The following ATP6V0E2 variants were observed in gnomAD, a reference collection of about 807,000 sequenced individuals.
ATP6V0E2 encodes ATPase H+ transporting V0 subunit e2.
A neutral mutation model predicts 11.5 loss-of-function variants in ATP6V0E2; 4 were observed. The observed-to-expected ratio is 0.35, with a 90% confidence interval of 0.17 to 0.80. The LOEUF (loss-of-function observed/expected upper bound fraction) is 0.80. Among genes scored for constraint, ATP6V0E2 ranks in the 30% least tolerant of loss-of-function variants. The pLI is 0.53. For missense variants in ATP6V0E2, 93 were observed against 113.5 expected, an observed-to-expected ratio of 0.82 and a Z score of 0.82; for synonymous variants, 52 against 51.0, an observed-to-expected ratio of 1.02 and a Z score of -0.09.
intron 3 of ATP6V0E2, 111 bp from the exon 4 acceptor site, chr7:149,879,224 G>A (rs529995987): frequency 7.1e-7 from 1 of 1,403,214 alleles, no homozygotes; most frequent in East Asian, 2.7e-5. Context: ...GGGAGGGAAA[G>A]GGTAAGCTGA....
chr7:149,873,991 C>T lies in ATP6V0E2; in HGVS notation c.-75C>T. 2 of 1,544,888 alleles carry T rather than the reference C, an allele frequency of 1.3e-6. No individual in the cohort carries two copies. The highest frequency in any genetic ancestry group is 1.7e-6 in the Non-Finnish European group (2 of 1,145,634). On this transcript the variant is annotated 5_prime_UTR_variant, in exon 1 of 4. Transcript: ENST00000425642. ...CCTGTTGCGCATGCTCAGCGCGCTG[C>T]CCGGCTGGGGACCCGCGCACCTGCA...
chr7:149,873,866 G>A, upstream of ATP6V0E2: 1 of 1,459,230 alleles, frequency 6.9e-7, no homozygotes, highest in Non-Finnish European at 9.0e-7. Context: ...GCCAATCAGC[G>A]AGTGGGCTCC....
Position 149,879,113 on chromosome 7 carries a change from C to G in ATP6V0E2, c.*20-222C>G. 1.4e-6 allele frequency: 2 copies of G among 1,398,660 alleles called. 1 individual carries two copies. The highest frequency in any genetic ancestry group is 3.6e-5 in the South Asian group (2 of 55,456). 86.6% of individuals were successfully genotyped at this position (1,398,660 alleles called of 1,614,324 possible). On this transcript the variant is annotated intron_variant, in intron 3 of 3. Coordinates refer to ENST00000425642, the MANE Select transcript of ATP6V0E2 (RefSeq NM_145230.4). ...TTCCTGCCTGGCCTGTGTTGGCCGC[C>G]AGGGATGAAATGGGAACCATGCTCC...
intron 2 of ATP6V0E2, 25 bp from the exon 3 acceptor site, chr7:149,878,653 C>T (rs1728103630): frequency 6.5e-7 from 1 of 1,537,872 alleles, no homozygotes; most frequent in Admixed American, 1.8e-5. Flanking sequence ...GTGCCAGGCT[C>T]ACCATGCTTT....
At position 149,879,719 on chromosome 7, in the gene ATP6V0E2, C is replaced by T. The variant is rs1274817064; in HGVS notation, c.*404C>T. ...CATGGAGAGGGTGCTCCGGCCCAGG[C>T]GGGGGAGTCAGTGCCCAGTCAGCAG... On this transcript the variant is annotated 3_prime_UTR_variant, in exon 4 of 4. Transcript: ENST00000425642. 11 of 1,326,262 alleles carry T rather than the reference C, an allele frequency of 8.3e-6. No homozygotes were observed. The highest frequency in any genetic ancestry group is 6.5e-5 in the South Asian group (3 of 45,920). 82.2% of individuals were successfully genotyped at this position (1,326,262 alleles called of 1,614,324 possible).
upstream of ATP6V0E2, chr7:149,873,852 CT>C (rs1214971806): frequency 2.0e-5 from 29 of 1,451,768 alleles, no homozygotes; most frequent in Non-Finnish European, 2.5e-5. Context: ...CGCGGCCCTG[CT>C]CAGCCAATCA....
chr7:149,873,724 T>C (rs1194158058), upstream of ATP6V0E2: 6 of 730,888 alleles, frequency 8.2e-6, no homozygotes, highest in Non-Finnish European at 1.2e-5. Context: ...TCCAGGGGTC[T>C]TTGGAAATAA....
rs182093277 is a variant in ATP6V0E2, at chr7:149,878,521, G to A, written c.153-157G>A. On this transcript the variant is annotated intron_variant, in intron 2 of 3. Coordinates refer to ENST00000425642, the MANE Select transcript of ATP6V0E2 (RefSeq NM_145230.4). ...GCCATACCAACCCCATGTGCCTGCC[G>A]GAGTGTGGATGGCTCCCTGGGCCCT... Among the ~76,000 whole-genome samples the A allele has an allele frequency of 6.6e-5, 10 of 152,184 alleles. No individual in the cohort carries two copies. In the East Asian group the frequency reaches 1.4e-3, roughly 21 times the overall value.
intron 3 of ATP6V0E2, chr7:149,879,050 A>G: frequency 7.3e-7 from 1 of 1,361,390 alleles, no homozygotes; most frequent in South Asian, 1.7e-5. Flanking sequence ...TTATTTCATG[A>G]AAAGAAAAGG....
chr7:149,876,090 G>A, intron 2 of ATP6V0E2: 1 of 458,690 alleles, frequency 2.2e-6, no homozygotes, highest in African/African-American at 2.0e-5. Flanking sequence ...GAACCACTAG[G>A]TGAGAGGCCA....
chr7:149,875,493 C>A, intron 1 of ATP6V0E2, 105 bp from the exon 2 acceptor site: 1 of 1,126,130 alleles, frequency 8.9e-7, no homozygotes, highest in Non-Finnish European at 1.4e-6. Context: ...TCAGGAAGGC[C>A]AATGGAAAAG....
At chr7:149,875,929 G>C in intron 2 of ATP6V0E2, 2 of 640,936 alleles carry the variant, frequency 3.1e-6, no homozygotes, top group Non-Finnish European at 5.8e-6. Flanking sequence ...CCTCAGTGCT[G>C]TCTGTGCCTG....
chr7:149,873,895 C>T, upstream of ATP6V0E2: 1 of 1,496,816 alleles, frequency 6.7e-7, no homozygotes, highest in Non-Finnish European at 8.9e-7. Flanking sequence ...TCCTGAGTGA[C>T]AGCGCGGCGG....
intron 2 of ATP6V0E2, among the ~76,000 whole-genome samples, chr7:149,876,309 G>A (rs1040870288): frequency 6.6e-6 from 1 of 152,302 alleles, no homozygotes; most frequent in South Asian, 2.1e-4. Context: ...CCGGGAGACG[G>A]AGGTTGCGGT....
rs1372566857 is a variant in ATP6V0E2, at chr7:149,880,144, A to C, written c.*829A>C. 6.5e-6 allele frequency: 1 copy of C among 153,682 alleles called. No homozygotes were observed. Among genetic ancestry groups the C allele is most frequent in the African/African-American group, 2.4e-5 (1 of 41,466 alleles). The allele number at this position is 153,682 out of a possible 1,614,324, so 9.5% of individuals were successfully genotyped here. A position where few individuals can be genotyped will look rare whatever the true frequency, so the allele number is the denominator to read the frequency against. On this transcript the variant is annotated 3_prime_UTR_variant, in exon 4 of 4. Transcript: ENST00000425642. Reference sequence around the variant, plus strand: ...TAAGTGACCAGAGCTGGGATGAGAGAGGGGAAGGGGCAATGTGAGTGGCGC... The same window carrying C: ...TAAGTGACCAGAGCTGGGATGAGAGCGGGGAAGGGGCAATGTGAGTGGCGC...
At chr7:149,874,235 G>T in intron 1 of ATP6V0E2, 66 bp downstream of exon 1, 1 of 1,476,280 alleles carries the variant, frequency 6.8e-7, no homozygotes, top group Non-Finnish European at 9.0e-7. Context: ...TCGCCCCTCC[G>T]CCCCGGGGCG....
rs765037991 is a variant in ATP6V0E2, at chr7:149,879,480, A to AAGTCTTCCC, written c.*177_*185dup. ...CCCGCAGGGCCTGCCTGGTTCCTGG[A>AAGTCTTCCC]AGTCTTCCCAGTCTTCCCAGCCAGC... On this transcript the variant is annotated 3_prime_UTR_variant, in exon 4 of 4. Coordinates refer to ENST00000425642, the MANE Select transcript of ATP6V0E2 (RefSeq NM_145230.4). 1.2e-4 allele frequency: 193 copies of AAGTCTTCCC among 1,594,004 alleles called. 1 individual carries two copies. The highest frequency in any genetic ancestry group is 8.7e-4 in the South Asian group (76 of 87,674).
chr7:149,875,781 G>A (rs966314136), intron 2 of ATP6V0E2, 136 bp downstream of exon 2: 3 of 866,006 alleles, frequency 3.5e-6, no homozygotes, highest in Non-Finnish European at 5.6e-6. Flanking sequence ...AACAACAGGA[G>A]TGGAGGTGGT....
chr7:149,878,523 A>C (rs1236077988), intron 2 of ATP6V0E2, among the ~76,000 whole-genome samples, 155 bp from the exon 3 acceptor site: 1 of 152,054 alleles, frequency 6.6e-6, no homozygotes, highest in African/African-American at 2.4e-5. Context: ...TGCCTGCCGG[A>C]GTGTGGATGG....
Sources: gnomAD v4.1 joint callset for allele counts (sites outside exome capture counted in the v4.1 genomes callset) on GRCh38, gnomAD v4.1.1 for gene constraint, MANE v1.5 for transcripts, NCBI Gene and HGNC (gene_info 2026-07-23, HGNC 2026-07-21) for gene names.